PTPRD: variants seen among roughly 807,000 people sequenced by gnomAD.
PTPRD encodes receptor-type tyrosine-protein phosphatase delta.
Under a neutral mutation model 214.5 loss-of-function variants are expected in PTPRD, and 34 were observed. The observed-to-expected ratio is 0.16, with a 90% CI of 0.12 to 0.21. PTPRD has a LOEUF of 0.21. Ranked by LOEUF, PTPRD falls within the 10% of genes least tolerant of loss-of-function variation. The probability of loss-of-function intolerance (pLI) is 1.00; values close to 1 mark genes in which losing one functional copy is unlikely to be tolerated. For missense variants in PTPRD, 2,545 were observed against 2,398.7 expected (o/e 1.06, Z -1.27); for synonymous variants, 1,128 against 845.7 (o/e 1.33, Z -5.79).
chr9:9,402,339 A>C (rs549331345), intron 8 of PTPRD, among the ~76,000 whole-genome samples: 9 of 152,240 alleles, frequency 5.9e-5, no homozygotes, highest in African/African-American at 2.2e-4. Context: ...TCTCTAGGAG[A>C]AGTGATAAAA....
At chr9:9,869,763 T>A (rs936045988) in intron 5 of PTPRD, among the ~76,000 whole-genome samples, 2 of 151,600 alleles carry the variant, frequency 1.3e-5, no homozygotes, top group African/African-American at 4.8e-5. Context: ...AAAACAGTTT[T>A]CAACAAGTAA....
chr9:8,966,864 A>C lies in PTPRD; in HGVS notation c.-104+51833T>G, dbSNP rs560443686. Among the ~76,000 whole-genome samples, 3 of 152,222 alleles carry C rather than the reference A, an allele frequency of 2.0e-5. No individual in the cohort carries two copies. In the South Asian group the frequency reaches 6.2e-4, roughly 32 times the overall value. ...ATATTCACAAACTGTGCATCCGACA[A>C]AGATCTAATATCCAGAATCTATAAG... is the stretch of plus-strand genomic sequence containing the variant. On this transcript the variant is annotated intron_variant, in intron 11 of 45. Transcript: ENST00000381196.
At chr9:10,449,678 C>A (rs1484600487) in intron 2 of PTPRD, among the ~76,000 whole-genome samples, 1 of 148,208 alleles carries the variant, frequency 6.7e-6, no homozygotes, top group Non-Finnish European at 1.5e-5. Flanking sequence ...AGCGCCTCTG[C>A]CCGGCCGCCC....
chr9:9,560,420 T>G (rs1199575404), intron 8 of PTPRD, among the ~76,000 whole-genome samples: 1 of 152,200 alleles, frequency 6.6e-6, no homozygotes, highest in African/African-American at 2.4e-5. Context: ...CTATCCGACT[T>G]TGCTGGCAAA....
chr9:9,812,726 T>C (rs2047529454), intron 5 of PTPRD, among the ~76,000 whole-genome samples: 1 of 152,216 alleles, frequency 6.6e-6, no homozygotes, highest in Admixed American at 6.5e-5. Flanking sequence ...GGATATATCA[T>C]CCAGACAGAA....
chr9:10,377,494 A>G (rs1465269428), intron 2 of PTPRD, among the ~76,000 whole-genome samples: 6 of 151,436 alleles, frequency 4.0e-5, no homozygotes, highest in Admixed American at 3.3e-4. Flanking sequence ...CCTGTGTCCA[A>G]GTGTTCTCAT....
intron 8 of PTPRD, among the ~76,000 whole-genome samples, chr9:9,554,769 A>C (rs139847529): frequency 1.0e-3 from 155 of 152,196 alleles, no homozygotes; most frequent in African/African-American, 3.6e-3. Context: ...TTAACTACGC[A>C]GGAAACTTAG....
At chr9:9,339,072 C>G (rs1264324772) in intron 9 of PTPRD, among the ~76,000 whole-genome samples, 1 of 152,136 alleles carries the variant, frequency 6.6e-6, no homozygotes, top group African/African-American at 2.4e-5. Flanking sequence ...TTAATCTTGT[C>G]AGTTGCCAGT....
chr9:10,032,687 TCA>T (rs1315104590), intron 4 of PTPRD, among the ~76,000 whole-genome samples: 5 of 152,162 alleles, frequency 3.3e-5, no homozygotes, highest in Admixed American at 3.3e-4. Flanking sequence ...TTTTGAAGAA[TCA>T]TTTAGTGTCA....
intron 3 of PTPRD, among the ~76,000 whole-genome samples, chr9:10,285,318 T>G (rs2095307996): frequency 6.6e-6 from 1 of 152,176 alleles, no homozygotes; most frequent in African/African-American, 2.4e-5. Flanking sequence ...AACGACTGCA[T>G]TTTTTATTTA....
chr9:9,890,874 C>T (rs1026728815), intron 5 of PTPRD, among the ~76,000 whole-genome samples: 3 of 152,106 alleles, frequency 2.0e-5, no homozygotes, highest in East Asian at 3.9e-4. Flanking sequence ...TCTCTCTTAT[C>T]CTATTTAATT....
intron 11 of PTPRD, among the ~76,000 whole-genome samples, chr9:8,973,448 C>T (rs1361725839): frequency 2.6e-5 from 4 of 151,938 alleles, no homozygotes; most frequent in Non-Finnish European, 4.4e-5. Flanking sequence ...ATCACATTTT[C>T]TTTATCCAAT....
In PTPRD at chr9:8,317,045, ATAAT is replaced by A. The variant is rs932185672; in HGVS notation, c.*825_*828del. On this transcript the variant is annotated 3_prime_UTR_variant, in exon 46 of 46. Coordinates refer to ENST00000381196, the MANE Select transcript of PTPRD (RefSeq NM_002839.4). ...TTGATTCCAAAAACAAAACAAAATA[ATAAT>A]TATCTTTGATTATTTGAAGAGAATG... 4.3e-6 allele frequency: 1 copy of A among 231,672 alleles called. No homozygotes were observed. Among genetic ancestry groups the A allele is most frequent in the African/African-American group, 2.2e-5 (1 of 45,222 alleles). 14.4% of individuals were successfully genotyped at this position (231,672 alleles called of 1,614,324 possible).
chr9:8,540,340 T>A (rs2140169157), intron 14 of PTPRD, among the ~76,000 whole-genome samples: 1 of 152,220 alleles, frequency 6.6e-6, no homozygotes, highest in African/African-American at 2.4e-5. Context: ...ACACTCCAAC[T>A]GTTATTACCA....
intron 9 of PTPRD, among the ~76,000 whole-genome samples, chr9:9,333,504 T>TGTATATATATATATA (rs1555249397): frequency 7.3e-6 from 1 of 137,248 alleles, no homozygotes; most frequent in African/African-American, 2.9e-5. Context: ...ATATAGTATA[T>TGTATATATATATATA]TATATATATA....
At chr9:9,759,999 A>T (rs1398101320) in intron 6 of PTPRD, among the ~76,000 whole-genome samples, 1 of 152,114 alleles carries the variant, frequency 6.6e-6, no homozygotes, top group African/African-American at 2.4e-5. Context: ...CTCATGTTAA[A>T]CTTCCAGTAT....
intron 9 of PTPRD, among the ~76,000 whole-genome samples, chr9:9,277,618 A>G (rs1407619503): frequency 2.0e-5 from 3 of 151,374 alleles, no homozygotes; most frequent in Non-Finnish European, 4.4e-5. Context: ...CTCTCAAAAT[A>G]AAACTATACC....
At chr9:9,575,055 C>T (rs118177799) in intron 7 of PTPRD, among the ~76,000 whole-genome samples, 1 of 137,232 alleles carries the variant, frequency 7.3e-6, no homozygotes, top group South Asian at 2.1e-4. Context: ...AAGACTATAG[C>T]TGATGGATAA....
At chr9:9,901,963 G>A (rs756423450) in intron 5 of PTPRD, among the ~76,000 whole-genome samples, 3 of 152,148 alleles carry the variant, frequency 2.0e-5, no homozygotes, top group Non-Finnish European at 4.4e-5. Context: ...AGGATTGTAT[G>A]ATCTGTAATT....
Sources: gnomAD v4.1 joint callset for allele counts (sites outside exome capture counted in the v4.1 genomes callset) on GRCh38, gnomAD v4.1.1 for gene constraint, MANE v1.5 for transcripts, NCBI Gene and HGNC (gene_info 2026-07-23, HGNC 2026-07-21) for gene names.